The following IL17REL variants were observed in gnomAD, a reference collection of about 807,000 sequenced individuals.
The protein encoded by IL17REL is interleukin-17 receptor E-like protein.
A neutral mutation model predicts 49.0 loss-of-function variants in IL17REL; 36 were observed. That is an observed-to-expected ratio of 0.73 (90% CI 0.56 to 0.97). The LOEUF (loss-of-function observed/expected upper bound fraction) is 0.97. Among genes scored for constraint, IL17REL ranks in the 50% least tolerant of loss-of-function variants. The pLI, the probability that IL17REL is intolerant of heterozygous loss-of-function variation, is 0.00. For missense variants in IL17REL, 470 were observed against 453.9 expected, an observed-to-expected ratio of 1.04 and a Z score of -0.32; for synonymous variants, 206 against 192.4, an observed-to-expected ratio of 1.07 and a Z score of -0.58.
chr22:49,994,345 G>A (rs141570660), downstream of IL17REL, among the ~76,000 whole-genome samples: 22 of 150,958 alleles, frequency 1.5e-4, no homozygotes, highest in Non-Finnish European at 2.8e-4. Flanking sequence ...CCAGAGACCC[G>A]GCACCTCCCC....
At chr22:50,010,963 C>G (rs1008431549), upstream of IL17REL, among the ~76,000 whole-genome samples, 1 of 151,748 alleles carries the variant, frequency 6.6e-6, no homozygotes, top group Non-Finnish European at 1.5e-5. Flanking sequence ...CGCCCAAGCT[C>G]CCCTGCATGC....
rs1404488024 is a variant in IL17REL, at chr22:49,999,338, G to C, written c.554C>G (p.Ser185Cys). The change falls in exon 7 of 13, where the codon TCT becomes TGT. Residue 185 changes from serine to cysteine, a missense_variant. Transcript: ENST00000341280. ...GATCCGCACCGCGTCAGGGGTCGCA[G>C]ACCAGCCCTGTGGGAGGGGCTGGGG... 13 of 1,612,874 alleles carry C rather than the reference G, an allele frequency of 8.1e-6. No individual in the cohort carries two copies. Among genetic ancestry groups the C allele is most frequent in the South Asian group, 5.5e-5 (5 of 91,080 alleles).
At chr22:49,994,282 A>G (rs1383062087), downstream of IL17REL, among the ~76,000 whole-genome samples, 1 of 148,224 alleles carries the variant, frequency 6.7e-6, no homozygotes, top group Non-Finnish European at 1.5e-5. Context: ...TTATGGGGAC[A>G]CTTGGATGGG....
chr22:50,000,044 C>T, intron 4 of IL17REL, 77 bp from the exon 7 acceptor site: 1 of 1,372,024 alleles, frequency 7.3e-7, no homozygotes, highest in Non-Finnish European at 9.5e-7. Flanking sequence ...CCGAGAGCCC[C>T]GACGTGGTGG....
rs537662144 is a variant in IL17REL, at chr22:49,997,313, G to T, written c.974+7C>A. 1 of 1,611,720 alleles carries T rather than the reference G, an allele frequency of 6.2e-7. No homozygotes were observed. Among genetic ancestry groups the T allele is most frequent in the South Asian group, 1.1e-5 (1 of 90,920 alleles). On this transcript the variant is annotated splice_region_variant and intron_variant, in intron 11 of 12. Transcript: ENST00000341280. ...CCCCAGGATGGAGCCCCACTCTCTC[G>T]GCTCACTGAGGCTGAAGGGAGCGGG...
downstream of IL17REL, among the ~76,000 whole-genome samples, chr22:49,992,010 G>C (rs2061008916): frequency 6.6e-6 from 1 of 152,198 alleles, no homozygotes; most frequent in African/African-American, 2.4e-5. Context: ...AAATTGGAGA[G>C]GGGGCTTCTG....
At chr22:49,998,741 ATGTGCATGGGTGCG>A (rs1335972153) in intron 7 of IL17REL, among the ~76,000 whole-genome samples, 20 of 132,640 alleles carry the variant, frequency 1.5e-4, no homozygotes, top group Admixed American at 3.0e-4. Flanking sequence ...ATGGGTGTGT[ATGTGCATGGGTGCG>A]TGTGCATGGG....
Position 49,998,016 on chromosome 22 carries a change from GCC to G in IL17REL, c.819+7_819+8del. On this transcript the variant is annotated splice_region_variant and intron_variant, in intron 9 of 12. Coordinates refer to ENST00000341280, the Ensembl canonical transcript of IL17REL. ...AATAGGGCACTGGCAGGCTGTGGCA[GCC>G]CCTCACCTTCAGGCAGAGCTGGGGC... The G allele has an allele frequency of 1.9e-6, 3 of 1,595,600 alleles. No individual in the cohort carries two copies. Among genetic ancestry groups the G allele is most frequent in the Non-Finnish European group, 2.6e-6 (3 of 1,175,680 alleles).
At chr22:50,011,485 C>T (rs968545051), upstream of IL17REL, among the ~76,000 whole-genome samples, 1 of 152,058 alleles carries the variant, frequency 6.6e-6, no homozygotes, top group Non-Finnish European at 1.5e-5. Flanking sequence ...CCCCATGTCT[C>T]CCAACTCAGG....
chr22:49,997,449 C>T, intron 10 of IL17REL: 1 of 1,597,696 alleles, frequency 6.3e-7, no homozygotes, highest in Non-Finnish European at 8.6e-7. Flanking sequence ...GGAGGTGGCC[C>T]TTTGTGGGCG....
At chr22:49,993,815 G>A (rs376634556), downstream of IL17REL, among the ~76,000 whole-genome samples, 136 of 152,254 alleles carry the variant, frequency 8.9e-4, 1 homozygote, top group South Asian at 0.027. This position sits in a 1 kb window ranked among gnomAD's most constrained non-coding sequence, Gnocchi z 6.0. Flanking sequence ...AGTAGCCCTG[G>A]GTCAGAGCAG....
chr22:49,998,235 C>T lies in IL17REL; in HGVS notation c.676G>A (p.Ala226Thr), dbSNP rs762312058. ...CTCACATGGCCACTCACAGGGCAGGCGGGCTCCCAGCTCAGTGTCTGGCTC... is the reference window on the plus strand; with the variant it reads ...CTCACATGGCCACTCACAGGGCAGGTGGGCTCCCAGCTCAGTGTCTGGCTC... Residue 226 changes from alanine (A) to threonine (T), a missense_variant, in exon 8 of 13, where the codon GCC becomes ACC. Coordinates refer to ENST00000341280, the Ensembl canonical transcript of IL17REL. 29 of 1,612,402 alleles carry T rather than the reference C, an allele frequency of 1.8e-5. No homozygotes were observed. Among genetic ancestry groups the T allele is most frequent in the Middle Eastern group, 1.6e-4 (1 of 6,080 alleles).
chr22:50,000,339 G>A lies in IL17REL; in HGVS notation c.334+139C>T, dbSNP rs73445983. The A allele has an allele frequency of 1.2e-3, 827 of 701,250 alleles. 8 individuals carry two copies. Among genetic ancestry groups the A allele is most frequent in the African/African-American group, 0.011 (638 of 56,284 alleles). The allele number at this position is 701,250 out of a possible 1,614,324, so 43.4% of individuals were successfully genotyped here. ...CATCCACGCGCTGTGCCTCTGTCAT[G>A]CGACCTCGAATTAAGCCAGAGGTCT... On this transcript the variant is annotated intron_variant, in intron 4 of 12. Coordinates refer to ENST00000341280, the Ensembl canonical transcript of IL17REL.
chr22:49,993,725 G>A (rs1181496175), downstream of IL17REL, among the ~76,000 whole-genome samples: 3 of 152,184 alleles, frequency 2.0e-5, no homozygotes, highest in Non-Finnish European at 2.9e-5. This position sits in a 1 kb window ranked among gnomAD's most constrained non-coding sequence, Gnocchi z 6.0. Context: ...GCCCACACCC[G>A]TCAGGCAGGA....
exon 5 of IL17REL, chr22:49,999,963 C>T: frequency 6.6e-7 from 1 of 1,511,430 alleles, no homozygotes; most frequent in Non-Finnish European, 8.9e-7. Flanking sequence ...AGCTGAGCTT[C>T]CCCGCTGCAG....
chr22:49,992,514 A>G (rs1031984317), downstream of IL17REL, among the ~76,000 whole-genome samples: 8 of 152,190 alleles, frequency 5.3e-5, no homozygotes, highest in South Asian at 1.7e-3. Context: ...TGCAGCCTCA[A>G]TCCCCCAGGC....
exon 12 of IL17REL, chr22:49,997,068 G>C (rs764374664): frequency 6.4e-7 from 1 of 1,568,434 alleles, no homozygotes; most frequent in Non-Finnish European, 8.6e-7. Flanking sequence ...GCGGCTGCCA[G>C]GTCACCCTGG....
At chr22:49,994,083 C>T (rs998818685), downstream of IL17REL, among the ~76,000 whole-genome samples, 27 of 149,638 alleles carry the variant, frequency 1.8e-4, no homozygotes, top group African/African-American at 6.3e-4. Context: ...CCCTGATCTC[C>T]AGGTTAGGGA....
In IL17REL at chr22:50,001,180, G is replaced by A. The variant is rs753047450; in HGVS notation, c.11C>T (p.Ser4Leu). 10 of 1,601,406 alleles carry A rather than the reference G, an allele frequency of 6.2e-6. No individual in the cohort carries two copies. In the East Asian group the frequency reaches 2.0e-4, roughly 32 times the overall value. The change falls in exon 2 of 13, where the codon TCA (serine) becomes TTA (leucine). Residue 4 changes from serine to leucine, a missense_variant. Ser to Leu is a moderately radical substitution (Grantham distance 145). Transcript: ENST00000341280. Reference sequence around the variant, plus strand: ...GGAGGACGTCAGGGCCTCCAGGACTGACCTGGACATGGACACGGGGCGTGG... The same window carrying A: ...GGAGGACGTCAGGGCCTCCAGGACTAACCTGGACATGGACACGGGGCGTGG...
Sources: gnomAD v4.1 joint callset for allele counts (sites outside exome capture counted in the v4.1 genomes callset) on GRCh38, gnomAD v4.1.1 for gene constraint, Gnocchi (gnomAD v3.1) non-coding constraint, MANE v1.5 for transcripts, NCBI Gene and HGNC (gene_info 2026-07-23, HGNC 2026-07-21) for gene names.